Variants in OLA1 observed in about 807,000 individuals in gnomAD.
OLA1 encodes the protein Obg like ATPase 1.
Under a neutral mutation model 48.4 loss-of-function variants are expected in OLA1, and 14 were observed. The observed-to-expected ratio is 0.29, with a 90% CI of 0.19 to 0.45. OLA1 has a LOEUF of 0.45. Among genes scored for constraint, OLA1 ranks in the 20% least tolerant of loss-of-function variants. The pLI is 1.00. For synonymous variants in OLA1, 127 were observed against 150.4 expected (o/e 0.84, Z 1.14); for missense variants, 325 against 467.1 (o/e 0.70, Z 2.80).
chr2:174,181,450 G>A (rs969608729), intron 4 of OLA1, among the ~76,000 whole-genome samples: 2 of 152,142 alleles, frequency 1.3e-5, no homozygotes, highest in African/African-American at 4.8e-5. Context: ...CTGCATGTTT[G>A]CAAGCTCAGG....
chr2:174,097,104 C>T (rs1685274403), intron 7 of OLA1, among the ~76,000 whole-genome samples: 1 of 151,998 alleles, frequency 6.6e-6, no homozygotes, highest in Admixed American at 6.6e-5. Flanking sequence ...TGCAGTGAGC[C>T]GAGATCGCAC....
At chr2:174,123,118 G>T (rs910559213) in intron 7 of OLA1, 62 bp downstream of exon 7, 6 of 728,146 alleles carry the variant, frequency 8.2e-6, no homozygotes, top group Admixed American at 2.4e-5. Context: ...ATATATGTGG[G>T]TGTGTGTTTG....
chr2:174,158,755 G>C (rs972600119), intron 4 of OLA1, among the ~76,000 whole-genome samples: 1 of 151,974 alleles, frequency 6.6e-6, no homozygotes, highest in African/African-American at 2.4e-5. Flanking sequence ...CAAAAAACAG[G>C]GGGACTATTG....
chr2:174,214,791 T>C (rs567117019), intron 4 of OLA1, among the ~76,000 whole-genome samples: 10 of 152,204 alleles, frequency 6.6e-5, no homozygotes, highest in Non-Finnish European at 1.5e-4. Context: ...GGCTCATGCC[T>C]GTAATCCCAG....
intron 4 of OLA1, among the ~76,000 whole-genome samples, chr2:174,162,351 A>G (rs1687029325): frequency 6.6e-6 from 1 of 152,206 alleles, no homozygotes; most frequent in Non-Finnish European, 1.5e-5. Flanking sequence ...TGATACATCT[A>G]ATTTCTCAAA....
rs184162897 is a variant in OLA1, at chr2:174,163,045, C to G, written c.374-21045G>C. Among the ~76,000 whole-genome samples, 36 of 151,914 alleles carry G rather than the reference C, an allele frequency of 2.4e-4. 1 individual carries two copies. Among genetic ancestry groups the G allele is most frequent in the Admixed American group, 1.6e-3 (24 of 15,254 alleles). On this transcript the variant is annotated intron_variant, in intron 4 of 10. Transcript: ENST00000284719. ...GGCAACAGAGTGAGACTGTCTCAAACAAAGAAAAGAACCACTGCTCTTAAA... is the reference window on the plus strand; with the variant it reads ...GGCAACAGAGTGAGACTGTCTCAAAGAAAGAAAAGAACCACTGCTCTTAAA...
intron 10 of OLA1, among the ~76,000 whole-genome samples, chr2:174,076,819 A>G (rs13023330): frequency 3.0e-5 from 4 of 132,586 alleles, no homozygotes; most frequent in African/African-American, 5.4e-5. Context: ...GTGTGTGTGT[A>G]TATATATAAA....
intron 7 of OLA1, among the ~76,000 whole-genome samples, chr2:174,088,421 GTTATAGCAGGT>G (rs1685031503): frequency 6.6e-6 from 1 of 152,134 alleles, no homozygotes. Context: ...CTGTAAACCT[GTTATAGCAGGT>G]TTATAACCTG....
At chr2:174,232,092 T>C (rs982066007) in intron 2 of OLA1, among the ~76,000 whole-genome samples, 1 of 152,078 alleles carries the variant, frequency 6.6e-6, no homozygotes, top group Non-Finnish European at 1.5e-5. Flanking sequence ...TCAGCAATGA[T>C]AGATAGCATT....
chr2:174,173,160 C>T (rs548739289), intron 4 of OLA1, among the ~76,000 whole-genome samples: 1 of 152,248 alleles, frequency 6.6e-6, no homozygotes, highest in South Asian at 2.1e-4. Flanking sequence ...ACTAACACAA[C>T]TCTAAACCAC....
intron 5 of OLA1, among the ~76,000 whole-genome samples, chr2:174,137,638 T>C (rs975329112): frequency 6.6e-6 from 1 of 152,254 alleles, no homozygotes; most frequent in African/African-American, 2.4e-5. Context: ...CTGCAGCTTC[T>C]ACATTAGCAC....
chr2:174,123,080 A>C, intron 7 of OLA1, 100 bp downstream of exon 7: 1 of 611,216 alleles, frequency 1.6e-6, no homozygotes, highest in Non-Finnish European at 2.9e-6. Flanking sequence ...GGAGAAAAAT[A>C]TTAAAATTAA....
At chr2:174,167,237 A>G (rs531887724) in intron 4 of OLA1, among the ~76,000 whole-genome samples, 182 of 152,332 alleles carry the variant, frequency 1.2e-3, no homozygotes, top group African/African-American at 4.2e-3. Context: ...CAAAGACTAC[A>G]TGAGAGATAG....
chr2:174,117,224 T>C (rs1685804779), intron 7 of OLA1, among the ~76,000 whole-genome samples: 1 of 152,228 alleles, frequency 6.6e-6, no homozygotes, highest in African/African-American at 2.4e-5. Context: ...AAGTTCTTTT[T>C]CCATTATTGA....
chr2:174,121,810 A>C (rs976470988), intron 7 of OLA1, among the ~76,000 whole-genome samples: 3 of 152,166 alleles, frequency 2.0e-5, no homozygotes, highest in African/African-American at 7.2e-5. Flanking sequence ...ATACAATTAG[A>C]GCCAGGGAGT....
At chr2:174,187,192 TCA>T (rs1443146757) in intron 4 of OLA1, among the ~76,000 whole-genome samples, 2 of 152,166 alleles carry the variant, frequency 1.3e-5, no homozygotes, top group African/African-American at 4.8e-5. Context: ...TGATCACAAA[TCA>T]ATGAAAAATA....
chr2:174,184,232 G>T (rs935189346), intron 4 of OLA1, among the ~76,000 whole-genome samples: 1 of 152,114 alleles, frequency 6.6e-6, no homozygotes, highest in Non-Finnish European at 1.5e-5. Context: ...GGAAAGGAAA[G>T]AACAGTAACT....
intron 4 of OLA1, among the ~76,000 whole-genome samples, chr2:174,179,852 C>G (rs536991245): frequency 1.3e-5 from 2 of 152,012 alleles, no homozygotes; most frequent in Non-Finnish European, 2.9e-5. Flanking sequence ...ACATTCTGGA[C>G]TGGCAACTTT....
chr2:174,092,412 C>T (rs1306075389), intron 7 of OLA1, among the ~76,000 whole-genome samples: 2 of 152,070 alleles, frequency 1.3e-5, no homozygotes, highest in African/African-American at 4.8e-5. Context: ...CGCCTGTAAT[C>T]CCAGCACTTT....
Sources: allele counts gnomAD v4.1 joint callset (sites outside exome capture counted in the v4.1 genomes callset), GRCh38; gene constraint gnomAD v4.1.1; transcripts MANE v1.5; gene names NCBI Gene and HGNC (gene_info 2026-07-23, HGNC 2026-07-21).